FBLN7: variants seen among roughly 807,000 people sequenced by gnomAD.
The protein encoded by FBLN7 is fibulin-7.
A neutral mutation model predicts 44.0 loss-of-function variants in FBLN7; 31 were observed. The observed-to-expected ratio is 0.70, with a 90% CI of 0.53 to 0.95. The LOEUF (loss-of-function observed/expected upper bound fraction) is 0.95, where lower values mean the gene tolerates loss of function less well. Ranked by LOEUF, FBLN7 falls within the 40% of genes least tolerant of loss-of-function variation. FBLN7 has a pLI of 0.00. For synonymous variants in FBLN7, 262 were observed against 253.4 expected, an observed-to-expected ratio of 1.03 and a Z score of -0.32; for missense variants, 573 against 618.5, an observed-to-expected ratio of 0.93 and a Z score of 0.78.
the FBLN7 span, among the ~76,000 whole-genome samples, chr2:112,231,241 T>A: frequency 6.6e-6 from 1 of 152,176 alleles, no homozygotes; most frequent in Non-Finnish European, 1.5e-5. Flanking sequence ...GACTTTGTAA[T>A]ATTTACATAT....
At chr2:112,234,287 A>G in the FBLN7 span, 1 of 1,356,476 alleles carries the variant, frequency 7.4e-7, no homozygotes, top group Non-Finnish European at 1.0e-6. Context: ...AAAATTAAAT[A>G]TTTTATTCTG....
chr2:112,146,586 T>TTTA (rs2104540059), intron 1 of FBLN7, among the ~76,000 whole-genome samples: 1 of 150,392 alleles, frequency 6.6e-6, no homozygotes, highest in South Asian at 2.1e-4. Context: ...TTTTTTTTTT[T>TTTA]AAATTCATTT....
intron 1 of FBLN7, among the ~76,000 whole-genome samples, chr2:112,149,975 A>G (rs1681075344): frequency 6.6e-6 from 1 of 152,212 alleles, no homozygotes; most frequent in South Asian, 2.1e-4. Context: ...TGGGTGCCTA[A>G]GTACTAAGAT....
chr2:112,241,439 A>AC, the FBLN7 span, among the ~76,000 whole-genome samples: 1,891 of 150,826 alleles, frequency 0.013, 51 homozygotes, highest in African/African-American at 0.042. Context: ...CTGTCCAGAG[A>AC]CCCCCCCCTC....
the FBLN7 span, among the ~76,000 whole-genome samples, chr2:112,237,640 A>T: frequency 6.7e-6 from 1 of 150,274 alleles, no homozygotes; most frequent in Admixed American, 6.6e-5. Context: ...GCACTGTGTG[A>T]TCTCGGCTCA....
At chr2:112,164,488 G>A (rs1682034904) in intron 2 of FBLN7, among the ~76,000 whole-genome samples, 2 of 152,176 alleles carry the variant, frequency 1.3e-5, no homozygotes, top group East Asian at 1.9e-4. Flanking sequence ...GGTTAGGCAC[G>A]GTGGCCAGGG....
At chr2:112,236,672 G>A in the FBLN7 span, 2 of 1,611,840 alleles carry the variant, frequency 1.2e-6, no homozygotes, top group Non-Finnish European at 1.7e-6. Flanking sequence ...CCAGCTTTAA[G>A]ATTTTTATTT....
chr2:112,144,667 C>T (rs764168752), intron 1 of FBLN7, among the ~76,000 whole-genome samples: 1 of 151,946 alleles, frequency 6.6e-6, no homozygotes, highest in Non-Finnish European at 1.5e-5. Context: ...GCTGGGATTA[C>T]AGGCTCCCGC....
the FBLN7 span, among the ~76,000 whole-genome samples, chr2:112,205,419 T>A: frequency 6.6e-6 from 1 of 151,708 alleles, no homozygotes; most frequent in East Asian, 1.9e-4. Context: ...CTAAAAAAAC[T>A]ATACAAAGAG....
At chr2:112,148,696 G>A (rs1681000344) in intron 1 of FBLN7, among the ~76,000 whole-genome samples, 1 of 152,220 alleles carries the variant, frequency 6.6e-6, no homozygotes, top group Non-Finnish European at 1.5e-5. Flanking sequence ...TTCATCTGGT[G>A]CATGCAGGCT....
the FBLN7 span, chr2:112,238,656 ATATAC>A: frequency 1.5e-6 from 1 of 661,894 alleles, no homozygotes; most frequent in African/African-American, 1.8e-5. Flanking sequence ...CATGGGATTC[ATATAC>A]TATTCTCTCC....
At chr2:112,232,186 C>T in the FBLN7 span, among the ~76,000 whole-genome samples, 79 of 152,062 alleles carry the variant, frequency 5.2e-4, no homozygotes, top group Non-Finnish European at 9.6e-4. Flanking sequence ...GTGGCGCAGG[C>T]ATGCCTGTAA....
At chr2:112,165,262 T>G in intron 3 of FBLN7, 91 bp downstream of exon 3, 1 of 1,445,458 alleles carries the variant, frequency 6.9e-7, no homozygotes, top group Non-Finnish European at 9.3e-7. Context: ...TTGGAACATT[T>G]TCTGCTTGGT....
intron 5 of FBLN7, 106 bp from the exon 6 acceptor site, chr2:112,182,685 T>C: frequency 7.1e-7 from 1 of 1,413,080 alleles, no homozygotes; most frequent in Non-Finnish European, 9.5e-7. Context: ...GCCACTTAAC[T>C]GCAGCTGCCA....
At chr2:112,236,308 A>T in the FBLN7 span, among the ~76,000 whole-genome samples, 1 of 152,210 alleles carries the variant, frequency 6.6e-6, no homozygotes, top group African/African-American at 2.4e-5. Context: ...GTGTGCATAT[A>T]TTCAGGAACA....
intron 1 of FBLN7, among the ~76,000 whole-genome samples, chr2:112,159,275 A>G (rs991763428): frequency 1.1e-4 from 13 of 122,082 alleles, no homozygotes; most frequent in Non-Finnish European, 2.3e-4. Context: ...TTTTACATGT[A>G]TTATTGGCCC....
At chr2:112,244,078 A>G in the FBLN7 span, among the ~76,000 whole-genome samples, 2 of 146,074 alleles carry the variant, frequency 1.4e-5, no homozygotes, top group South Asian at 2.1e-4. Flanking sequence ...AAATAATCTC[A>G]CCACAATAGC....
chr2:112,230,077 G>T, the FBLN7 span, among the ~76,000 whole-genome samples: 1 of 152,082 alleles, frequency 6.6e-6, no homozygotes, highest in African/African-American at 2.4e-5. Context: ...AAAAACATGG[G>T]CAAAGACATT....
chr2:112,240,177 CA>C, the FBLN7 span, among the ~76,000 whole-genome samples: 1 of 152,306 alleles, frequency 6.6e-6, no homozygotes, highest in Admixed American at 6.5e-5. Context: ...ACTGATAGAT[CA>C]GGGGTTGGCA....
Sources: allele counts gnomAD v4.1 joint callset (sites outside exome capture counted in the v4.1 genomes callset), GRCh38; gene constraint gnomAD v4.1.1; transcripts MANE v1.5; gene names NCBI Gene and HGNC (gene_info 2026-07-23, HGNC 2026-07-21).